TSPAN12: variants seen among roughly 807,000 people sequenced by gnomAD.
The protein encoded by TSPAN12 is tetraspanin 12.
In TSPAN12, 19 loss-of-function variants were observed where a neutral mutation model predicts 39.2. The observed-to-expected ratio is 0.49, with a 90% CI of 0.34 to 0.71. The LOEUF (loss-of-function observed/expected upper bound fraction) is 0.71. Ranked by LOEUF, TSPAN12 falls within the 30% of genes least tolerant of loss-of-function variation. The probability of loss-of-function intolerance (pLI) is 0.01; values close to 1 mark genes in which losing one functional copy is unlikely to be tolerated. For missense variants in TSPAN12, 314 were observed against 359.9 expected, an observed-to-expected ratio of 0.87 and a Z score of 1.03; for synonymous variants, 119 against 124.8, an observed-to-expected ratio of 0.95 and a Z score of 0.31.
chr7:120,848,252 T>C (rs1794709503), intron 2 of TSPAN12, among the ~76,000 whole-genome samples: 1 of 152,176 alleles, frequency 6.6e-6, no homozygotes, highest in Non-Finnish European at 1.5e-5. Flanking sequence ...TCTTTGCAAA[T>C]ACCTCATAAA....
chr7:120,836,827 C>T (rs1438139649), intron 4 of TSPAN12, among the ~76,000 whole-genome samples: 1 of 152,174 alleles, frequency 6.6e-6, no homozygotes, highest in Admixed American at 6.5e-5. Flanking sequence ...GGCCACATTA[C>T]TTTGTTGTTT....
At chr7:120,820,098 A>G (rs1030719110) in intron 4 of TSPAN12, among the ~76,000 whole-genome samples, 1 of 152,064 alleles carries the variant, frequency 6.6e-6, no homozygotes, top group African/African-American at 2.4e-5. Flanking sequence ...TGCTTTCCCA[A>G]TGCATATGGT....
chr7:120,854,710 A>T (rs1181576595), intron 2 of TSPAN12, among the ~76,000 whole-genome samples: 1 of 152,364 alleles, frequency 6.6e-6, no homozygotes, highest in South Asian at 2.1e-4. Context: ...CAGCAAAAAA[A>T]TCAAGAATTT....
intron 4 of TSPAN12, among the ~76,000 whole-genome samples, chr7:120,822,432 AT>A (rs1475028598): frequency 6.6e-6 from 1 of 152,102 alleles, no homozygotes; most frequent in Non-Finnish European, 1.5e-5. Context: ...GTAAAGGGAT[AT>A]TTTAAAAGGC....
intron 7 of TSPAN12, among the ~76,000 whole-genome samples, chr7:120,796,185 C>CA (rs1793626087): frequency 6.6e-6 from 1 of 152,162 alleles, no homozygotes; most frequent in Non-Finnish European, 1.5e-5. Flanking sequence ...ACCCCTCCTG[C>CA]AAATATTTTC....
intron 4 of TSPAN12, among the ~76,000 whole-genome samples, chr7:120,829,788 T>C (rs1241149595): frequency 6.6e-6 from 1 of 152,200 alleles, no homozygotes; most frequent in Non-Finnish European, 1.5e-5. Context: ...ATTTGGCTTA[T>C]ATTTAACTAA....
intron 7 of TSPAN12, among the ~76,000 whole-genome samples, chr7:120,797,559 A>C (rs1489001605): frequency 6.6e-6 from 1 of 152,212 alleles, no homozygotes; most frequent in African/African-American, 2.4e-5. Context: ...TCTGCCTCCG[A>C]AGCTCATATT....
intron 1 of TSPAN12, chr7:120,857,339 A>C (rs1297254709): frequency 6.3e-6 from 1 of 159,168 alleles, no homozygotes; most frequent in African/African-American, 2.4e-5. Flanking sequence ...CCCGTCCCGC[A>C]GCTCGGGTGT....
intron 7 of TSPAN12, among the ~76,000 whole-genome samples, chr7:120,803,528 G>A (rs538587871): frequency 1.3e-5 from 2 of 152,176 alleles, no homozygotes; most frequent in South Asian, 4.1e-4. Context: ...ACTACTAAAT[G>A]ATCCTCTTTT....
intron 2 of TSPAN12, among the ~76,000 whole-genome samples, chr7:120,848,303 T>C (rs1794710496): frequency 6.6e-6 from 1 of 152,124 alleles, no homozygotes; most frequent in South Asian, 2.1e-4. Flanking sequence ...CTCCATCTCA[T>C]CCCAGTAGAG....
intron 2 of TSPAN12, among the ~76,000 whole-genome samples, chr7:120,842,439 ACAAACTG>A (rs747857347): frequency 4.4e-5 from 6 of 136,042 alleles, no homozygotes; most frequent in Admixed American, 2.2e-4. Flanking sequence ...GAAGACAATT[ACAAACTG>A]TTAAAAAAAA....
intron 7 of TSPAN12, among the ~76,000 whole-genome samples, chr7:120,790,144 T>C (rs547158827): frequency 2.0e-5 from 3 of 152,280 alleles, no homozygotes; most frequent in East Asian, 3.9e-4. Context: ...CTCTTTCTTG[T>C]GCCTATTAAA....
chr7:120,841,439 GAGA>G (rs1397290103), intron 2 of TSPAN12, among the ~76,000 whole-genome samples: 4 of 152,016 alleles, frequency 2.6e-5, no homozygotes, highest in African/African-American at 9.7e-5. Context: ...ACAAAAAGGA[GAGA>G]AGGAGAAACT....
intron 2 of TSPAN12, among the ~76,000 whole-genome samples, chr7:120,854,422 T>G (rs1794831478): frequency 6.6e-6 from 1 of 152,232 alleles, no homozygotes; most frequent in African/African-American, 2.4e-5. Flanking sequence ...ATACTGCTAT[T>G]GCAGAGATAG....
intron 6 of TSPAN12, among the ~76,000 whole-genome samples, chr7:120,809,715 A>G (rs1009472025): frequency 2.0e-5 from 3 of 152,202 alleles, no homozygotes; most frequent in African/African-American, 7.2e-5. Context: ...AGCAAGATCA[A>G]TGGTTAACTC....
At chr7:120,842,032 C>T (rs149682964) in intron 2 of TSPAN12, among the ~76,000 whole-genome samples, 100 of 152,142 alleles carry the variant, frequency 6.6e-4, no homozygotes, top group Non-Finnish European at 7.8e-4. Flanking sequence ...TAGGGAAATT[C>T]GACTTACCCT....
intron 2 of TSPAN12, 93 bp downstream of exon 2, chr7:120,856,605 A>T: frequency 7.8e-7 from 1 of 1,284,788 alleles, no homozygotes; most frequent in Non-Finnish European, 1.1e-6. Flanking sequence ...GTAATTAATT[A>T]ATGCTTAGCC....
chr7:120,844,747 C>A (rs1167913933), intron 2 of TSPAN12, among the ~76,000 whole-genome samples: 2 of 152,208 alleles, frequency 1.3e-5, no homozygotes, highest in Non-Finnish European at 2.9e-5. Flanking sequence ...TCACAGGCTG[C>A]CATTGAGTGC....
At chr7:120,818,533 T>C (rs778613384) in intron 4 of TSPAN12, among the ~76,000 whole-genome samples, 6 of 152,044 alleles carry the variant, frequency 3.9e-5, no homozygotes, top group Non-Finnish European at 8.8e-5. Context: ...GTATAAGATA[T>C]AGAAAATGGG....
Sources: allele counts gnomAD v4.1 joint callset (sites outside exome capture counted in the v4.1 genomes callset), GRCh38; gene constraint gnomAD v4.1.1; transcripts MANE v1.5; gene names NCBI Gene and HGNC (gene_info 2026-07-23, HGNC 2026-07-21).